Variants in EPHB1 observed in about 807,000 individuals in gnomAD.
The protein encoded by EPHB1 is EPH receptor B1.
In EPHB1, 30 loss-of-function variants were observed where a neutral mutation model predicts 94.4. That is an observed-to-expected ratio of 0.32 (90% CI 0.24 to 0.43). EPHB1 has a LOEUF of 0.43. EPHB1 is among the 20% of genes least tolerant of loss of function. EPHB1 has a pLI of 1.00. For synonymous variants in EPHB1, 522 were observed against 489.1 expected, an observed-to-expected ratio of 1.07 and a Z score of -0.89; for missense variants, 1,055 against 1,308.3, an observed-to-expected ratio of 0.81 and a Z score of 2.99.
intron 2 of EPHB1, among the ~76,000 whole-genome samples, chr3:134,934,390 A>G (rs1451008229): frequency 6.6e-6 from 1 of 152,156 alleles, no homozygotes; most frequent in African/African-American, 2.4e-5. Flanking sequence ...GGCAGTGGCC[A>G]CGAGATTCAG....
At chr3:134,810,684 G>A (rs2036154375) in intron 1 of EPHB1, among the ~76,000 whole-genome samples, 1 of 152,186 alleles carries the variant, frequency 6.6e-6, no homozygotes, top group Non-Finnish European at 1.5e-5. Context: ...TAATTTAGAA[G>A]TTGTCTTCAT....
At chr3:135,089,373 A>G (rs1051752690) in intron 3 of EPHB1, among the ~76,000 whole-genome samples, 1 of 152,186 alleles carries the variant, frequency 6.6e-6, no homozygotes, top group Non-Finnish European at 1.5e-5. Context: ...ATAAAATGGG[A>G]TTATTCTGAG....
At position 134,871,019 on chromosome 3, in the gene EPHB1, G is replaced by A. The variant is rs146587521; in HGVS notation, c.59-54797G>A. Among the ~76,000 whole-genome samples the A allele has an allele frequency of 2.6e-3, 394 of 152,328 alleles. 2 individuals carry two copies. The highest frequency in any genetic ancestry group is 9.1e-3 in the African/African-American group (379 of 41,576). ...CTTGGGTGCCCCTTAGGCCCCTGGA[G>A]TGGGTAGCCTGTGAGCCCTTTACCA... On this transcript the variant is annotated intron_variant, in intron 1 of 15. Coordinates refer to ENST00000398015, the MANE Select transcript of EPHB1 (RefSeq NM_004441.5).
chr3:135,076,012 C>T (rs549166499), intron 3 of EPHB1, among the ~76,000 whole-genome samples: 12 of 152,082 alleles, frequency 7.9e-5, no homozygotes, highest in Non-Finnish European at 1.5e-4. Flanking sequence ...AATTGGATAT[C>T]CATAAGCAGG....
intron 3 of EPHB1, among the ~76,000 whole-genome samples, chr3:135,098,761 C>G (rs750038288): frequency 6.6e-6 from 1 of 151,934 alleles, no homozygotes; most frequent in African/African-American, 2.4e-5. Context: ...CCAGTAATCC[C>G]AACACTTTGG....
chr3:135,226,791 CT>C (rs1943414292), intron 12 of EPHB1, among the ~76,000 whole-genome samples: 2 of 151,288 alleles, frequency 1.3e-5, no homozygotes, highest in African/African-American at 4.9e-5. Flanking sequence ...GTTATTATGG[CT>C]TTATTTAAAA....
chr3:135,129,300 C>T (rs539847617), intron 4 of EPHB1, among the ~76,000 whole-genome samples: 14 of 152,204 alleles, frequency 9.2e-5, no homozygotes, highest in Middle Eastern at 3.4e-3. Context: ...TGGGTCTTCC[C>T]AGCTGTCAGG....
chr3:135,009,780 A>T (rs1935555958), intron 3 of EPHB1, among the ~76,000 whole-genome samples: 1 of 152,238 alleles, frequency 6.6e-6, no homozygotes, highest in African/African-American at 2.4e-5. Context: ...AAATTTATGG[A>T]ATCTGAGTAC....
At chr3:135,178,458 C>CAAA (rs57207495) in intron 9 of EPHB1, among the ~76,000 whole-genome samples, 2 of 98,812 alleles carry the variant, frequency 2.0e-5, no homozygotes, top group Admixed American at 1.1e-4. Flanking sequence ...AAGACTGTCT[C>CAAA]AAAAAAAAAA....
chr3:134,931,482 G>C (rs998724652), intron 2 of EPHB1, among the ~76,000 whole-genome samples: 12 of 152,198 alleles, frequency 7.9e-5, no homozygotes, highest in African/African-American at 2.7e-4. Flanking sequence ...ATCTACCTGA[G>C]TTCTTACTTT....
At chr3:134,834,198 T>A (rs1292907221) in intron 1 of EPHB1, among the ~76,000 whole-genome samples, 2 of 152,126 alleles carry the variant, frequency 1.3e-5, no homozygotes, top group Non-Finnish European at 2.9e-5. Context: ...CTTGATCTGT[T>A]TTGTTCAGAC....
chr3:135,047,438 G>A (rs950261746), intron 3 of EPHB1, among the ~76,000 whole-genome samples: 1 of 152,190 alleles, frequency 6.6e-6, no homozygotes, highest in African/African-American at 2.4e-5. Flanking sequence ...CCCTGTTAAA[G>A]GTCCATTGGC....
chr3:134,841,844 T>G (rs1001967663), intron 1 of EPHB1, among the ~76,000 whole-genome samples: 1 of 152,222 alleles, frequency 6.6e-6, no homozygotes, highest in African/African-American at 2.4e-5. Flanking sequence ...ATTCTCTTAT[T>G]TCTTTATTCA....
chr3:135,217,945 C>T (rs1258291020), intron 12 of EPHB1, among the ~76,000 whole-genome samples: 1 of 152,102 alleles, frequency 6.6e-6, no homozygotes, highest in Admixed American at 6.5e-5. Context: ...GGCTTTCTGT[C>T]CAGTGACCCC....
At chr3:135,039,172 G>A (rs146964309) in intron 3 of EPHB1, among the ~76,000 whole-genome samples, 4,415 of 151,578 alleles carry the variant, frequency 0.029, 230 homozygotes, top group African/African-American at 0.1. Context: ...GCCGATTGGT[G>A]TATTTACAAT....
chr3:134,946,697 G>T (rs2039223195), intron 2 of EPHB1, among the ~76,000 whole-genome samples: 1 of 152,158 alleles, frequency 6.6e-6, no homozygotes, highest in African/African-American at 2.4e-5. Context: ...ATGGTAATGA[G>T]TGAGTCTCAC....
intron 4 of EPHB1, among the ~76,000 whole-genome samples, chr3:135,120,930 G>A (rs1054717267): frequency 2.6e-5 from 4 of 152,044 alleles, no homozygotes; most frequent in South Asian, 4.2e-4. Context: ...ACTCCTCCCC[G>A]GGCATCCCCA....
At chr3:135,143,495 G>A (rs973078487) in intron 5 of EPHB1, among the ~76,000 whole-genome samples, 3 of 152,172 alleles carry the variant, frequency 2.0e-5, no homozygotes, top group African/African-American at 7.2e-5. Flanking sequence ...GTGGGGATGA[G>A]AGCCAGGTGT....
At chr3:135,044,391 A>G (rs1936935972) in intron 3 of EPHB1, among the ~76,000 whole-genome samples, 1 of 152,206 alleles carries the variant, frequency 6.6e-6, no homozygotes, top group African/African-American at 2.4e-5. Flanking sequence ...AAAGGCCAGT[A>G]TCCAGCCCTC....
Sources: gnomAD v4.1 joint callset for allele counts (sites outside exome capture counted in the v4.1 genomes callset) on GRCh38, gnomAD v4.1.1 for gene constraint, MANE v1.5 for transcripts, NCBI Gene and HGNC (gene_info 2026-07-23, HGNC 2026-07-21) for gene names.